NTM: variants seen among roughly 807,000 people sequenced by gnomAD.
The protein encoded by NTM is IgLON family member 2.
In NTM, 13 loss-of-function variants were observed where a neutral mutation model predicts 42.1. The observed-to-expected ratio is 0.31, with a 90% CI of 0.20 to 0.49. NTM has a LOEUF of 0.49. Among genes scored for constraint, NTM ranks in the 20% least tolerant of loss-of-function variants. The pLI, the probability that NTM is intolerant of heterozygous loss-of-function variation, is 0.99. For missense variants in NTM, 373 were observed against 452.8 expected (o/e 0.82, Z 1.60); for synonymous variants, 187 against 179.2 (o/e 1.04, Z -0.35).
At chr11:132,177,026 G>T (rs1191070338) in intron 3 of NTM, among the ~76,000 whole-genome samples, 1 of 151,978 alleles carries the variant, frequency 6.6e-6, no homozygotes, top group Non-Finnish European at 1.5e-5. Context: ...TGTGAGCCGT[G>T]CCGCCTGACA....
chr11:132,321,822 C>A (rs569548830), intron 7 of NTM, among the ~76,000 whole-genome samples: 4 of 149,656 alleles, frequency 2.7e-5, no homozygotes, highest in Non-Finnish European at 5.9e-5. Context: ...AGACTAACAG[C>A]GGATCTCTCG....
intron 1 of NTM, among the ~76,000 whole-genome samples, chr11:131,421,878 C>T (rs914077213): frequency 6.6e-6 from 1 of 152,120 alleles, no homozygotes; most frequent in African/African-American, 2.4e-5. Context: ...GGCTGCCTTG[C>T]TAATAAGGGT....
intron 1 of NTM, among the ~76,000 whole-genome samples, chr11:131,449,161 T>G (rs1950287185): frequency 6.6e-6 from 1 of 152,162 alleles, no homozygotes; most frequent in Admixed American, 6.5e-5. Flanking sequence ...TTATTTTTCT[T>G]CTCATCAGCA....
chr11:131,874,143 G>T (rs2048261633), intron 1 of NTM, among the ~76,000 whole-genome samples: 1 of 145,074 alleles, frequency 6.9e-6, no homozygotes, highest in Middle Eastern at 3.7e-3. Flanking sequence ...AGGCCTTCTT[G>T]GTCTCACCTG....
intron 1 of NTM, among the ~76,000 whole-genome samples, chr11:131,431,989 G>A (rs549644284): frequency 1.3e-5 from 2 of 152,322 alleles, no homozygotes; most frequent in Admixed American, 6.5e-5. Flanking sequence ...ACATTCTTAT[G>A]TTTGATGATT....
intron 2 of NTM, among the ~76,000 whole-genome samples, chr11:132,052,436 A>C (rs921319882): frequency 1.3e-5 from 2 of 152,190 alleles, no homozygotes; most frequent in African/African-American, 4.8e-5. Context: ...ATGGCACTTT[A>C]TCAGTTGAAA....
chr11:132,230,244 A>G (rs1026880507), intron 4 of NTM, among the ~76,000 whole-genome samples: 3 of 152,242 alleles, frequency 2.0e-5, no homozygotes, highest in African/African-American at 7.2e-5. Flanking sequence ...GATTATAAAC[A>G]GTAGCAGCAA....
rs147844387 is a variant in NTM at position 131,410,658 on chromosome 11, G to A, written c.82+39770G>A. ...TTTTTTGTAATTATGTCGCCTTAACGGAAGAATATATCCTTCAACTCTGTT... is the reference window on the plus strand; with the variant it reads ...TTTTTTGTAATTATGTCGCCTTAACAGAAGAATATATCCTTCAACTCTGTT... On this transcript the variant is annotated intron_variant, in intron 1 of 8. Coordinates refer to ENST00000683400, the MANE Select transcript of NTM (RefSeq NM_001352005.2). 1.5e-3 allele frequency among the ~76,000 whole-genome samples: 222 copies of A among 151,702 alleles called. 1 individual carries two copies. The highest frequency in any genetic ancestry group is 5.0e-3 in the African/African-American group (205 of 41,372).
At chr11:132,154,645 G>C (rs983025185) in intron 3 of NTM, among the ~76,000 whole-genome samples, 4 of 152,218 alleles carry the variant, frequency 2.6e-5, no homozygotes, top group African/African-American at 9.6e-5. Flanking sequence ...GCAAGAAGCA[G>C]TCCCCAGCCC....
chr11:131,651,408 C>A (rs1204165906), intron 1 of NTM, among the ~76,000 whole-genome samples: 2 of 152,328 alleles, frequency 1.3e-5, no homozygotes, highest in South Asian at 4.1e-4. Flanking sequence ...AATTGCACAT[C>A]TTCCATAGTA....
intron 1 of NTM, among the ~76,000 whole-genome samples, chr11:131,502,111 C>T (rs773009716): frequency 5.9e-4 from 89 of 151,974 alleles, no homozygotes; most frequent in Non-Finnish European, 1.0e-3. Context: ...GGAGACAGGG[C>T]GTGCTGCTGA....
chr11:132,065,807 A>G (rs2056390316), intron 2 of NTM, among the ~76,000 whole-genome samples: 2 of 152,210 alleles, frequency 1.3e-5, no homozygotes. Flanking sequence ...AATTGGGTGA[A>G]GCAGGTGCTC....
At chr11:132,215,556 GGAGGGCCCTGT>G (rs1324385426) in intron 4 of NTM, among the ~76,000 whole-genome samples, 1 of 152,204 alleles carries the variant, frequency 6.6e-6, no homozygotes, top group East Asian at 1.9e-4. Flanking sequence ...AAACGGAGAT[GGAGGGCCCTGT>G]GTAGCACTTT....
chr11:131,532,617 C>A (rs555011941), intron 1 of NTM, among the ~76,000 whole-genome samples: 1 of 152,186 alleles, frequency 6.6e-6, no homozygotes, highest in African/African-American at 2.4e-5. Flanking sequence ...GGTAACTTGA[C>A]GTTTCATTTA....
chr11:132,298,315 G>GATTT (rs1375403785), intron 4 of NTM, among the ~76,000 whole-genome samples: 1 of 152,180 alleles, frequency 6.6e-6, no homozygotes, highest in African/African-American at 2.4e-5. Context: ...ATCAAAAGCT[G>GATTT]ATTTATTTTT....
chr11:131,785,014 C>T, intron 1 of NTM, among the ~76,000 whole-genome samples: 1 of 152,098 alleles, frequency 6.6e-6, no homozygotes, highest in East Asian at 1.9e-4. Context: ...TCTTTAAAAT[C>T]TTCCTTACTG....
intron 1 of NTM, among the ~76,000 whole-genome samples, chr11:131,572,564 G>A (rs545763554): frequency 2.6e-5 from 4 of 152,196 alleles, no homozygotes; most frequent in Admixed American, 2.6e-4. Context: ...TTCATGTAGA[G>A]CATGTTTCTC....
intron 2 of NTM, among the ~76,000 whole-genome samples, chr11:131,963,326 A>G (rs2062436667): frequency 1.3e-5 from 2 of 152,142 alleles, no homozygotes; most frequent in African/African-American, 4.8e-5. Context: ...AGTTTGGGGA[A>G]CCTGGATCTT....
intron 2 of NTM, among the ~76,000 whole-genome samples, chr11:132,001,893 G>A (rs552493010): frequency 1.3e-5 from 2 of 152,286 alleles, no homozygotes; most frequent in South Asian, 4.1e-4. Context: ...GATGGATGTA[G>A]AGGAGAGTGT....
Sources: allele counts gnomAD v4.1 joint callset (sites outside exome capture counted in the v4.1 genomes callset), GRCh38; gene constraint gnomAD v4.1.1; transcripts MANE v1.5; gene names NCBI Gene and HGNC (gene_info 2026-07-23, HGNC 2026-07-21).